The following SYTL5 variants were observed in gnomAD, a reference collection of about 807,000 sequenced individuals.
SYTL5 encodes synaptotagmin like 5.
A neutral mutation model predicts 55.9 loss-of-function variants in SYTL5; 34 were observed. The observed-to-expected ratio is 0.61, with a 90% CI of 0.46 to 0.81. SYTL5 has a LOEUF of 0.81. SYTL5 is among the 30% of genes least tolerant of loss of function. The pLI is 0.00. For synonymous variants in SYTL5, 221 were observed against 188.7 expected (o/e 1.17, Z -1.40); for missense variants, 637 against 546.7 (o/e 1.17, Z -1.65).
intron 7 of SYTL5, among the ~76,000 whole-genome samples, chrX:38,092,580 C>T (rs1251061996): frequency 9.0e-6 from 1 of 111,182 alleles, no homozygotes; most frequent in East Asian, 2.8e-4. Flanking sequence ...GCCGCTTTTC[C>T]CTGTTCTTTC....
At chrX:37,985,098 T>A in the SYTL5 span, among the ~76,000 whole-genome samples, 17 of 111,985 alleles carry the variant, frequency 1.5e-4, no homozygotes, top group East Asian at 1.1e-3. Context: ...CCACTTCTAC[T>A]CAATATTGTA....
the SYTL5 span, among the ~76,000 whole-genome samples, chrX:37,943,911 G>A: frequency 9.0e-6 from 1 of 111,332 alleles, no homozygotes; most frequent in Non-Finnish European, 1.9e-5. Context: ...AAGCAAGGGA[G>A]GAGTCCAGAC....
the SYTL5 span, among the ~76,000 whole-genome samples, chrX:37,961,136 A>G: frequency 9.0e-6 from 1 of 111,073 alleles, no homozygotes; most frequent in South Asian, 3.8e-4. Flanking sequence ...AGCTGTTTCC[A>G]TATTTTCAGA....
intron 3 of SYTL5, among the ~76,000 whole-genome samples, chrX:38,066,378 G>A (rs1294282917): frequency 2.7e-5 from 3 of 111,288 alleles, no homozygotes; most frequent in African/African-American, 6.5e-5. Context: ...AAAAGTCCCA[G>A]AGGTTTAGTG....
chrX:37,908,251 G>T, the SYTL5 span, among the ~76,000 whole-genome samples: 1 of 111,876 alleles, frequency 8.9e-6, no homozygotes, highest in African/African-American at 3.2e-5. Context: ...GGCTCTAACA[G>T]CTCAAGACAC....
intron 7 of SYTL5, among the ~76,000 whole-genome samples, chrX:38,091,399 G>T (rs1022342428): frequency 8.9e-6 from 1 of 112,267 alleles, no homozygotes; most frequent in Non-Finnish European, 1.9e-5. Flanking sequence ...TAGCTAGAAA[G>T]GTGCATGGAT....
At chrX:37,990,674 A>G in the SYTL5 span, 1 of 709,363 alleles carries the variant, frequency 1.4e-6, no homozygotes, top group Non-Finnish European at 2.0e-6. Flanking sequence ...GTGGACACCA[A>G]TGAAATCACA....
chrX:37,957,341 G>T, the SYTL5 span, among the ~76,000 whole-genome samples: 1 of 111,663 alleles, frequency 9.0e-6, no homozygotes, highest in Non-Finnish European at 1.9e-5. Flanking sequence ...CTACAGCCAA[G>T]AAATCATTGC....
At chrX:37,977,027 T>C in the SYTL5 span, among the ~76,000 whole-genome samples, 1 of 111,462 alleles carries the variant, frequency 9.0e-6, no homozygotes, top group Non-Finnish European at 1.9e-5. Context: ...TAACATCACT[T>C]TACTCTTAAT....
chrX:37,997,120 C>T, the SYTL5 span, among the ~76,000 whole-genome samples: 128 of 112,648 alleles, frequency 1.1e-3, no homozygotes, highest in African/African-American at 3.9e-3. Flanking sequence ...CCCATTAAGA[C>T]GAGATATTTA....
intron 6 of SYTL5, among the ~76,000 whole-genome samples, chrX:38,081,739 G>A (rs191452540): frequency 8.9e-6 from 1 of 111,860 alleles, no homozygotes; most frequent in African/African-American, 3.2e-5. Context: ...GTACCTCAGA[G>A]TTATCCAGTT....
intron 1 of SYTL5, among the ~76,000 whole-genome samples, chrX:38,027,029 A>G (rs1021374059): frequency 1.4e-4 from 16 of 111,786 alleles, no homozygotes; most frequent in African/African-American, 4.2e-4. Context: ...TTCATGCTGA[A>G]CAGGGGTGAT....
At chrX:37,952,919 T>C in the SYTL5 span, among the ~76,000 whole-genome samples, 15 of 110,707 alleles carry the variant, frequency 1.4e-4, no homozygotes, top group Admixed American at 1.9e-4. Flanking sequence ...GTAGGAAACA[T>C]TGAGTCTGAG....
chrX:38,110,384 C>T lies in SYTL5; in HGVS notation c.1498C>T (p.Arg500Ter), dbSNP rs1937330490. 8.3e-7 allele frequency: 1 copy of T among 1,208,322 alleles called. No homozygotes were observed. The highest frequency in any genetic ancestry group is 1.1e-6 in the Non-Finnish European group (1 of 893,201). The change falls in exon 13 of 17, where the codon CGA becomes TGA. Residue 500 changes from arginine to a stop codon, truncating the protein, a stop_gained. Coordinates refer to ENST00000297875, the MANE Select transcript of SYTL5 (RefSeq NM_138780.3). LOFTEE classifies it high-confidence loss of function. ...TLQLSVWHYD[R>*]FGRNSFLGEV... is the part of the protein sequence containing the mutation. ...GCAGCTCTCAGTCTGGCACTATGAT[C>T]GATTTGGACGTAATAGCTTCCTCGG...
intron 9 of SYTL5, among the ~76,000 whole-genome samples, chrX:38,101,365 T>C (rs1411696487): frequency 9.0e-6 from 1 of 111,148 alleles, no homozygotes; most frequent in African/African-American, 3.3e-5. Context: ...AATAAAGACT[T>C]TTTTAAAGCA....
chrX:37,969,851 C>T, the SYTL5 span, among the ~76,000 whole-genome samples: 2 of 111,812 alleles, frequency 1.8e-5, no homozygotes, highest in Non-Finnish European at 3.8e-5. Context: ...CTAGCCTGGT[C>T]TCAAACTCCT....
the SYTL5 span, among the ~76,000 whole-genome samples, chrX:37,893,685 A>ATAGTTTATATATAATCTATAGATTAT: frequency 3.0e-5 from 2 of 67,616 alleles, no homozygotes; most frequent in African/African-American, 1.6e-4. Flanking sequence ...CTATAGATAA[A>ATAGTTTATATATAATCTATAGATTAT]CTATAGATTA....
the SYTL5 span, chrX:37,990,999 C>T: frequency 8.3e-7 from 1 of 1,210,365 alleles, no homozygotes; most frequent in African/African-American, 1.7e-5. Flanking sequence ...AAATACCCTC[C>T]TTACCTTGCT....
chrX:38,075,643 C>T (rs1018257480), intron 5 of SYTL5, among the ~76,000 whole-genome samples: 1 of 111,536 alleles, frequency 9.0e-6, no homozygotes, highest in Non-Finnish European at 1.9e-5. Flanking sequence ...GTGCTATTCT[C>T]ACCAAAGAAA....
Sources: gnomAD v4.1 joint callset for allele counts (sites outside exome capture counted in the v4.1 genomes callset) on GRCh38, gnomAD v4.1.1 for gene constraint, MANE v1.5 for transcripts, NCBI Gene and HGNC (gene_info 2026-07-23, HGNC 2026-07-21) for gene names.